The following RCOR1 variants were observed in gnomAD, a reference collection of about 807,000 sequenced individuals.
RCOR1 encodes REST corepressor.
RCOR1 carries 12 observed loss-of-function variants against 64.0 expected under a neutral mutation model. That is an observed-to-expected ratio of 0.19 (90% CI 0.12 to 0.30). The LOEUF (loss-of-function observed/expected upper bound fraction) is 0.30. Ranked by LOEUF, RCOR1 falls within the 10% of genes least tolerant of loss-of-function variation. The pLI is 1.00. For missense variants in RCOR1, 502 were observed against 621.2 expected, an observed-to-expected ratio of 0.81 and a Z score of 2.04; for synonymous variants, 279 against 227.2, an observed-to-expected ratio of 1.23 and a Z score of -2.05.
At chr14:102,612,777 C>A (rs756609361) in intron 2 of RCOR1, among the ~76,000 whole-genome samples, 2 of 151,594 alleles carry the variant, frequency 1.3e-5, no homozygotes, top group African/African-American at 4.8e-5. Context: ...TTGCTTGATG[C>A]CAGGAGCTAG....
intron 3 of RCOR1, among the ~76,000 whole-genome samples, chr14:102,692,768 C>CTTTTTT (rs538053987): frequency 1.8e-5 from 2 of 111,928 alleles, no homozygotes; most frequent in Non-Finnish European, 3.7e-5. Flanking sequence ...TTTTCTTTTT[C>CTTTTTT]TTTTTTTTTT....
chr14:102,614,487 G>A (rs1893709374), intron 2 of RCOR1, among the ~76,000 whole-genome samples: 2 of 152,014 alleles, frequency 1.3e-5, no homozygotes, highest in African/African-American at 4.8e-5. Flanking sequence ...GCCTCCCAAA[G>A]TGCTGGGATT....
At chr14:102,628,453 G>A (rs1244344370) in intron 2 of RCOR1, among the ~76,000 whole-genome samples, 2 of 151,030 alleles carry the variant, frequency 1.3e-5, no homozygotes, top group Non-Finnish European at 2.9e-5. Flanking sequence ...CCGCTCCCCC[G>A]CTTTTCTCTC....
At chr14:102,645,816 A>G (rs1443963415) in intron 2 of RCOR1, among the ~76,000 whole-genome samples, 1 of 152,162 alleles carries the variant, frequency 6.6e-6, no homozygotes, top group African/African-American at 2.4e-5. Flanking sequence ...CAGATGGTAG[A>G]GCTGAAGAGT....
chr14:102,711,010 G>A lies in RCOR1; in HGVS notation c.855G>A (p.Lys285=). The change falls in exon 7 of 12, where the codon AAG becomes AAA. Residue 285 remains lysine (K), a synonymous_variant. Transcript: ENST00000262241. ...TTGATCAAAACAAGGAAAGCAAAAA[G>A]GAGGTATTTTTTCCCCCTAGTATTG... ...IEVDQNKESK[K]EVPPTETVPQ... is the part of the protein sequence containing the mutation. 1.3e-6 allele frequency: 2 copies of A among 1,597,784 alleles called. No homozygotes were observed. The highest frequency in any genetic ancestry group is 1.8e-5 in the Admixed American group (1 of 56,102).
At chr14:102,658,740 T>A in intron 2 of RCOR1, 1 of 619,990 alleles carries the variant, frequency 1.6e-6, no homozygotes, top group Non-Finnish European at 2.0e-6. Context: ...CCCATTAATG[T>A]CCATTTCTGT....
chr14:102,614,833 A>G (rs1216404545), intron 2 of RCOR1, among the ~76,000 whole-genome samples: 5 of 151,416 alleles, frequency 3.3e-5, no homozygotes, highest in African/African-American at 7.3e-5. Flanking sequence ...ATTTCTGAAT[A>G]ATTTTTTTTT....
At position 102,696,368 on chromosome 14, in the gene RCOR1, A is replaced by G. The variant is rs75036324; in HGVS notation, c.446-4910A>G. Among the ~76,000 whole-genome samples the G allele has an allele frequency of 2.3e-3, 354 of 152,260 alleles. 4 individuals are homozygous for G. The highest frequency in any genetic ancestry group is 8.2e-3 in the African/African-American group (342 of 41,580). ...TTTAAGTGATATTATGAGGAAGCCCATAACTCATTCACCTATGCTCTCCAT... is the reference window on the plus strand; with the variant it reads ...TTTAAGTGATATTATGAGGAAGCCCGTAACTCATTCACCTATGCTCTCCAT... On this transcript the variant is annotated intron_variant, in intron 3 of 11. Transcript: ENST00000262241.
intron 2 of RCOR1, among the ~76,000 whole-genome samples, chr14:102,648,234 A>G (rs917458826): frequency 5.3e-5 from 8 of 152,072 alleles, no homozygotes; most frequent in Admixed American, 5.2e-4. Context: ...ATGCGCCACC[A>G]CACCTGGCTA....
chr14:102,714,935 G>C (rs866136750), intron 8 of RCOR1, among the ~76,000 whole-genome samples: 1 of 152,058 alleles, frequency 6.6e-6, no homozygotes, highest in African/African-American at 2.4e-5. Flanking sequence ...ACCTGCATCT[G>C]GATCAAAAAA....
At position 102,647,357 on chromosome 14, in the gene RCOR1, G is replaced by A. The variant is rs138464926; in HGVS notation, c.362-34538G>A. On this transcript the variant is annotated intron_variant, in intron 2 of 11. Transcript: ENST00000262241. The stretch of plus-strand genomic sequence containing the variant: ...TTTTGAGATGGAGTCTCGCTCTTTC[G>A]CTGGGCTGGAATGCGGTGGTGTGAT... 5.3e-4 allele frequency among the ~76,000 whole-genome samples: 81 copies of A among 152,122 alleles called. 2 individuals carry two copies. The East Asian group carries it at 0.014, about 26-fold the overall frequency.
intron 2 of RCOR1, among the ~76,000 whole-genome samples, chr14:102,653,977 TTCTTTC>T (rs1187898272): frequency 0.015 from 661 of 43,906 alleles, 6 homozygotes; most frequent in African/African-American, 0.031. Context: ...CTTTCTTTCT[TTCTTTC>T]TTTTTTTTTT....
rs775054455 is a variant in RCOR1 at position 102,593,261 on chromosome 14, C to G, written c.302-5C>G. On this transcript the variant is annotated splice_region_variant and splice_polypyrimidine_tract_variant and intron_variant, in intron 1 of 11. Coordinates refer to ENST00000262241, the MANE Select transcript of RCOR1 (RefSeq NM_015156.4). The stretch of plus-strand genomic sequence containing the variant: ...GCTGACCGCCGTATTCTGCTTCCCC[C>G]GCAGGTGGCGGTGGCATGAGGGTCG... 6.6e-7 allele frequency: 1 copy of G among 1,525,610 alleles called. No homozygotes were observed. Among genetic ancestry groups the G allele is most frequent in the Non-Finnish European group, 8.8e-7 (1 of 1,141,626 alleles). 94.5% of individuals were successfully genotyped at this position (1,525,610 alleles called of 1,614,324 possible).
chr14:102,674,694 T>C (rs1895103357), intron 2 of RCOR1, among the ~76,000 whole-genome samples: 1 of 152,212 alleles, frequency 6.6e-6, no homozygotes, highest in African/African-American at 2.4e-5. Flanking sequence ...ACCCCCTTGA[T>C]GGCAACTGGT....
chr14:102,627,654 C>CT (rs1487760382), intron 2 of RCOR1, among the ~76,000 whole-genome samples: 2 of 146,526 alleles, frequency 1.4e-5, no homozygotes, highest in African/African-American at 5.0e-5. Context: ...GAGACTCTGT[C>CT]TTAAAAAAAA....
chr14:102,698,484 GCT>G (rs1211445660), intron 3 of RCOR1, among the ~76,000 whole-genome samples: 1 of 152,220 alleles, frequency 6.6e-6, no homozygotes, highest in African/African-American at 2.4e-5. Flanking sequence ...ATAATAGTGT[GCT>G]CTGAGACTTG....
chr14:102,650,235 A>G (rs530964793), intron 2 of RCOR1, among the ~76,000 whole-genome samples: 30 of 150,220 alleles, frequency 2.0e-4, no homozygotes, highest in South Asian at 8.4e-4. Context: ...GGCCATGGGC[A>G]TGGTGGCTGG....
chr14:102,614,165 G>A (rs1893697496), intron 2 of RCOR1, among the ~76,000 whole-genome samples: 1 of 151,464 alleles, frequency 6.6e-6, no homozygotes, highest in Non-Finnish European at 1.5e-5. Context: ...AACGTGCTGG[G>A]ATTATAGGCG....
chr14:102,696,699 G>T (rs1304531951), intron 3 of RCOR1, among the ~76,000 whole-genome samples: 1 of 152,034 alleles, frequency 6.6e-6, no homozygotes, highest in Non-Finnish European at 1.5e-5. Context: ...AAGTCCCCAC[G>T]GATCCCTCTT....
Sources: gnomAD v4.1 joint callset for allele counts (sites outside exome capture counted in the v4.1 genomes callset) on GRCh38, gnomAD v4.1.1 for gene constraint, MANE v1.5 for transcripts, NCBI Gene and HGNC (gene_info 2026-07-23, HGNC 2026-07-21) for gene names.